The following UBXN7 variants were observed in gnomAD, a reference collection of about 807,000 sequenced individuals.
UBXN7 encodes the protein UBX domain-containing protein 7.
A neutral mutation model predicts 58.0 loss-of-function variants in UBXN7; 9 were observed. The ratio of observed to expected loss-of-function variants is 0.16; its 90% CI spans 0.09 to 0.27. The LOEUF is 0.27. Ranked by LOEUF, UBXN7 falls within the 10% of genes least tolerant of loss-of-function variation. The probability of loss-of-function intolerance (pLI) is 1.00; values close to 1 mark genes in which losing one functional copy is unlikely to be tolerated. For missense variants in UBXN7, 328 were observed against 599.6 expected, an observed-to-expected ratio of 0.55 and a Z score of 4.73; for synonymous variants, 208 against 205.0, an observed-to-expected ratio of 1.01 and a Z score of -0.12.
intron 1 of UBXN7, among the ~76,000 whole-genome samples, chr3:196,410,500 A>G (rs749674441): frequency 7.2e-5 from 11 of 152,138 alleles, no homozygotes; most frequent in Admixed American, 2.6e-4. Flanking sequence ...CCAAAATACA[A>G]GTCTCATTAT....
Position 196,371,877 on chromosome 3 carries a change from G to T in UBXN7, c.615+19C>A, listed in dbSNP as rs1483453991. ...AAAAGTAAAATTCTACAAAACTTCT[G>T]ATTAACTCTCCTTCTCACCTGCCAG... On this transcript the variant is annotated intron_variant, in intron 6 of 10. Transcript: ENST00000296328. 2 of 1,604,316 alleles carry T rather than the reference G, an allele frequency of 1.2e-6. No individual in the cohort carries two copies. Among genetic ancestry groups the T allele is most frequent in the South Asian group, 2.2e-5 (2 of 89,262 alleles).
At chr3:196,360,112 G>A (rs1438415041) in intron 10 of UBXN7, among the ~76,000 whole-genome samples, 1 of 152,234 alleles carries the variant, frequency 6.6e-6, no homozygotes, top group South Asian at 2.1e-4. Flanking sequence ...GAAGCTAGCA[G>A]AGGTTGGTTC....
chr3:196,359,929 C>G (rs536091924), intron 10 of UBXN7, among the ~76,000 whole-genome samples: 1 of 151,642 alleles, frequency 6.6e-6, no homozygotes, highest in South Asian at 2.1e-4. Flanking sequence ...GGAAAGAAAG[C>G]AAAACAGCCT....
intron 2 of UBXN7, among the ~76,000 whole-genome samples, chr3:196,406,387 T>C (rs530121534): frequency 2.0e-4 from 31 of 152,040 alleles, no homozygotes; most frequent in African/African-American, 7.5e-4. Context: ...GTTTGAGCTA[T>C]ATTGGGAGCG....
Position 196,362,463 on chromosome 3 carries a change from T to C in UBXN7, c.1059A>G (p.Lys353=), listed in dbSNP as rs1346952994. The C allele has an allele frequency of 6.2e-7, 1 of 1,614,146 alleles. No individual in the cohort carries two copies. Among genetic ancestry groups the C allele is most frequent in the South Asian group, 1.1e-5 (1 of 91,082 alleles). ...NLAKSRKSPH[K]DLGHRKEENR... ...TCTCCTCTTTTCTATGCCCCAAATCTTTGTGGGGAGACTTTCTGGACTTGG... is the reference window on the plus strand; with the variant it reads ...TCTCCTCTTTTCTATGCCCCAAATCCTTGTGGGGAGACTTTCTGGACTTGG... The change falls in exon 9 of 11, where the codon AAA becomes AAG. Residue 353 remains lysine, a synonymous_variant. Transcript: ENST00000296328.
At chr3:196,430,521 G>A (rs541605306) in intron 1 of UBXN7, among the ~76,000 whole-genome samples, 1 of 151,968 alleles carries the variant, frequency 6.6e-6, no homozygotes, top group Non-Finnish European at 1.5e-5. Context: ...CCCAGTAGCT[G>A]GGACTACATG....
rs1553848088 is a variant in UBXN7 at position 196,354,894 on chromosome 3, T to C, written c.*1791A>G. The stretch of plus-strand genomic sequence containing the variant: ...AATTATATACTTATACATAAGCACT[T>C]ACACAGACTTAGAAAAAAATTTAAG... On this transcript the variant is annotated 3_prime_UTR_variant, in exon 11 of 11. Coordinates refer to ENST00000296328, the MANE Select transcript of UBXN7 (RefSeq NM_015562.2). The C allele has an allele frequency of 1.3e-5, 2 of 151,682 alleles. No individual in the cohort carries two copies. The highest frequency in any genetic ancestry group is 2.9e-5 in the Non-Finnish European group (2 of 67,906). The allele number at this position is 151,682 out of a possible 1,614,324, so 9.4% of individuals were successfully genotyped here. A position where few individuals can be genotyped will look rare whatever the true frequency, so the allele number is the denominator to read the frequency against.
chr3:196,368,774 C>A (rs1338567160), intron 7 of UBXN7, among the ~76,000 whole-genome samples: 1 of 152,178 alleles, frequency 6.6e-6, no homozygotes. Context: ...GGTGGGATTA[C>A]AACTAGTATC....
At chr3:196,356,950 C>A in intron 10 of UBXN7, 104 bp from the exon 11 acceptor site, 1 of 1,382,650 alleles carries the variant, frequency 7.2e-7, no homozygotes, top group South Asian at 1.4e-5. Context: ...ATTAGATCAG[C>A]TATTAAATGT....
chr3:196,419,711 G>A (rs556281406), intron 1 of UBXN7, among the ~76,000 whole-genome samples: 12 of 152,140 alleles, frequency 7.9e-5, no homozygotes, highest in Non-Finnish European at 1.8e-4. Context: ...GGATACTACT[G>A]GCATTTCATG....
rs1346052656 is a variant in UBXN7, at chr3:196,422,615, C to G, written c.73+9712G>C. On this transcript the variant is annotated intron_variant, in intron 1 of 10. Coordinates refer to ENST00000296328, the MANE Select transcript of UBXN7 (RefSeq NM_015562.2). ...TGTTGTCCAGGTTGGCGTCAAATTC[C>G]TGGCCTAGAGCAATCCTCCCGCATC... Among the ~76,000 whole-genome samples, 5 of 152,066 alleles carry G rather than the reference C, an allele frequency of 3.3e-5. No individual in the cohort carries two copies. In the East Asian group the frequency reaches 9.6e-4, roughly 29 times the overall value.
intron 1 of UBXN7, chr3:196,423,442 G>T: frequency 7.3e-6 from 2 of 273,564 alleles, no homozygotes; most frequent in South Asian, 3.0e-5. Flanking sequence ...TTGTGGCCTG[G>T]CCACTGTGCC....
intron 5 of UBXN7, among the ~76,000 whole-genome samples, chr3:196,382,897 C>T (rs1430957223): frequency 2.6e-5 from 4 of 152,220 alleles, no homozygotes; most frequent in South Asian, 2.1e-4. Flanking sequence ...AGGCAGATCA[C>T]GAGGTCAGGA....
chr3:196,362,022 A>T, intron 9 of UBXN7, 99 bp from the exon 10 acceptor site: 1 of 1,234,802 alleles, frequency 8.1e-7, no homozygotes, highest in Non-Finnish European at 1.1e-6. Flanking sequence ...GCCATTCAGC[A>T]ATTACTCAAG....
At chr3:196,370,014 C>CA (rs1728774573) in intron 6 of UBXN7, among the ~76,000 whole-genome samples, 2 of 151,568 alleles carry the variant, frequency 1.3e-5, no homozygotes, top group South Asian at 4.2e-4. Context: ...CTTGTAGTCC[C>CA]AGCTACTCGG....
chr3:196,432,409 G>A lies in UBXN7; in HGVS notation c.-10C>T. 5.7e-6 allele frequency: 9 copies of A among 1,581,402 alleles called. No homozygotes were observed. Among genetic ancestry groups the A allele is most frequent in the South Asian group, 1.1e-5 (1 of 88,234 alleles). On this transcript the variant is annotated 5_prime_UTR_variant, in exon 1 of 11. Coordinates refer to ENST00000296328, the MANE Select transcript of UBXN7 (RefSeq NM_015562.2). Reference sequence around the variant, plus strand: ...CCCCGTGGGCAGCCATCTTACCGCCGCCGCCGCCGCCGAACAACAACACAG... The same window carrying A: ...CCCCGTGGGCAGCCATCTTACCGCCACCGCCGCCGCCGAACAACAACACAG...
chr3:196,359,034 G>C (rs1023663252), intron 10 of UBXN7, among the ~76,000 whole-genome samples: 1 of 152,012 alleles, frequency 6.6e-6, no homozygotes, highest in Admixed American at 6.6e-5. Flanking sequence ...TCTCTGCTTC[G>C]AGAAAATGCT....
At chr3:196,401,823 G>A (rs1201573885) in intron 3 of UBXN7, among the ~76,000 whole-genome samples, 6 of 120,310 alleles carry the variant, frequency 5.0e-5, no homozygotes, top group African/African-American at 1.2e-4. Context: ...GAAAAGAGAA[G>A]AGAGAAGAGA....
chr3:196,350,050 A>G lies in UBXN7; in HGVS notation c.*6635T>C, dbSNP rs1728176081. On this transcript the variant is annotated 3_prime_UTR_variant, in exon 11 of 11. Coordinates refer to ENST00000296328, the MANE Select transcript of UBXN7 (RefSeq NM_015562.2). Reference sequence around the variant, plus strand: ...ATTAAGTACAATAATGCGACTTCTCATATTTATAGATTAATCTGTGATTGC... The same window carrying G: ...ATTAAGTACAATAATGCGACTTCTCGTATTTATAGATTAATCTGTGATTGC... 2 of 152,240 alleles carry G rather than the reference A, an allele frequency of 1.3e-5. No homozygotes were observed. The highest frequency in any genetic ancestry group is 4.8e-5 in the African/African-American group (2 of 41,470). 9.4% of individuals were successfully genotyped at this position (152,240 alleles called of 1,614,324 possible).
Sources: gnomAD v4.1 joint callset for allele counts (sites outside exome capture counted in the v4.1 genomes callset) on GRCh38, gnomAD v4.1.1 for gene constraint, MANE v1.5 for transcripts, NCBI Gene and HGNC (gene_info 2026-07-23, HGNC 2026-07-21) for gene names.